Variants in PRKG1 observed in about 807,000 individuals in gnomAD.
The protein encoded by PRKG1 is cGMP-dependent protein kinase 1.
In PRKG1, 35 loss-of-function variants were observed where a neutral mutation model predicts 88.1. That is an observed-to-expected ratio of 0.40 (90% confidence interval 0.30 to 0.53). The LOEUF is 0.53. PRKG1 is among the 20% of genes least tolerant of loss of function. The pLI, the probability that PRKG1 is intolerant of heterozygous loss-of-function variation, is 0.59. For synonymous variants in PRKG1, 303 were observed against 292.5 expected (o/e 1.04, Z -0.37); for missense variants, 540 against 839.8 (o/e 0.64, Z 4.41).
In PRKG1 at chr10:51,743,135, T is replaced by C. The variant is rs73345327; in HGVS notation, c.593-61450T>C. On this transcript the variant is annotated intron_variant, in intron 3 of 17. Coordinates refer to ENST00000373980, the MANE Select transcript of PRKG1 (RefSeq NM_006258.4). ...AAACCACGGCACACACAGACATTTG[T>C]AATAAGTTCTAACTACGAAGCAAAT... 5.2e-3 allele frequency among the ~76,000 whole-genome samples: 788 copies of C among 152,238 alleles called. 7 individuals carry two copies. Among genetic ancestry groups the C allele is most frequent in the African/African-American group, 0.018 (763 of 41,540 alleles).
At chr10:51,087,921 C>T (rs546794407) in intron 1 of PRKG1, among the ~76,000 whole-genome samples, 3 of 152,198 alleles carry the variant, frequency 2.0e-5, no homozygotes, top group African/African-American at 7.2e-5. Flanking sequence ...CATGGCACTA[C>T]ATCTGGCTAA....
chr10:51,015,835 C>T (rs2879549), intron 1 of PRKG1, among the ~76,000 whole-genome samples: 48,177 of 151,832 alleles, frequency 0.32, 7,789 homozygotes, highest in East Asian at 0.48. Flanking sequence ...TGCAGTGAGC[C>T]GAGATGGCGC....
At chr10:52,289,895 T>A (rs1433114379) in intron 16 of PRKG1, among the ~76,000 whole-genome samples, 1 of 152,108 alleles carries the variant, frequency 6.6e-6, no homozygotes, top group Non-Finnish European at 1.5e-5. Context: ...AAATAAAATA[T>A]CCTGTAAGGC....
chr10:50,991,891 G>C lies in PRKG1; in HGVS notation c.266+247G>C, dbSNP rs975733661. Among the ~76,000 whole-genome samples, 1 of 152,178 alleles carries C rather than the reference G, an allele frequency of 6.6e-6. No individual in the cohort carries two copies. Among genetic ancestry groups the C allele is most frequent in the Non-Finnish European group, 1.5e-5 (1 of 68,004 alleles). ...GCACGGGGAGACGCGCCCCTGTGGC[G>C]TGGGGGTGGGGAGGAGGACCGCGGA... On this transcript the variant is annotated intron_variant, in intron 1 of 17. Transcript: ENST00000401604. The surrounding 1 kb of genome is among the most constrained non-coding windows in gnomAD (Gnocchi z 4.5).
intron 2 of PRKG1, among the ~76,000 whole-genome samples, chr10:51,331,626 T>A (rs908967084): frequency 2.6e-5 from 4 of 152,140 alleles, no homozygotes; most frequent in South Asian, 2.1e-4. Flanking sequence ...CATCAATGTG[T>A]CTTTTCTTAT....
chr10:51,760,478 T>TG (rs61234899), intron 3 of PRKG1, among the ~76,000 whole-genome samples: 57,109 of 150,118 alleles, frequency 0.38, 11,529 homozygotes, highest in Middle Eastern at 0.53. Flanking sequence ...TTTCGTTTTT[T>TG]TTTTTTTTTT....
chr10:51,863,373 G>T (rs1254176003), intron 4 of PRKG1, among the ~76,000 whole-genome samples: 1 of 152,144 alleles, frequency 6.6e-6, no homozygotes, highest in East Asian at 1.9e-4. Context: ...CTTGTTGATG[G>T]TCTTTGTTTC....
intron 5 of PRKG1, among the ~76,000 whole-genome samples, chr10:51,914,667 G>A (rs754571400): frequency 1.1e-4 from 16 of 152,110 alleles, no homozygotes; most frequent in Non-Finnish European, 2.2e-4. Flanking sequence ...TGGAATAAAA[G>A]ACTTCTGTCT....
At chr10:51,434,555 T>A (rs1838866023) in intron 2 of PRKG1, among the ~76,000 whole-genome samples, 2 of 152,126 alleles carry the variant, frequency 1.3e-5, no homozygotes, top group South Asian at 4.1e-4. Flanking sequence ...ATCCTGTGGC[T>A]CTTCTTTATG....
rs186699420 is a variant in PRKG1 at position 51,329,806 on chromosome 10, C to T, written c.479-137917C>T. Among the ~76,000 whole-genome samples the T allele has an allele frequency of 2.0e-3, 300 of 151,960 alleles. 1 individual carries two copies. The highest frequency in any genetic ancestry group is 7.0e-3 in the African/African-American group (290 of 41,466). On this transcript the variant is annotated intron_variant, in intron 2 of 17. Transcript: ENST00000373980. ...CTCCTGGCCTGTAAGATTTTTGCTG[C>T]GAAGTCTTCTGCTAGCTGTATTATA... is the stretch of plus-strand genomic sequence containing the variant.
intron 3 of PRKG1, among the ~76,000 whole-genome samples, chr10:51,793,511 A>G (rs903126115): frequency 1.3e-5 from 2 of 152,168 alleles, no homozygotes; most frequent in East Asian, 3.9e-4. Context: ...TTCAAACCTA[A>G]AGAAAAATAT....
At chr10:52,247,827 C>A (rs187461569) in intron 9 of PRKG1, among the ~76,000 whole-genome samples, 3 of 152,086 alleles carry the variant, frequency 2.0e-5, no homozygotes, top group Admixed American at 6.6e-5. Flanking sequence ...CCTAACCCAG[C>A]GGTGCTAGAG....
At chr10:51,581,069 T>C (rs1347381700) in intron 3 of PRKG1, among the ~76,000 whole-genome samples, 1 of 152,088 alleles carries the variant, frequency 6.6e-6, no homozygotes, top group Non-Finnish European at 1.5e-5. Context: ...CCAGCATTTA[T>C]TAAGTTTAGT....
intron 3 of PRKG1, among the ~76,000 whole-genome samples, chr10:51,772,253 T>G (rs1482854007): frequency 1.3e-5 from 2 of 152,182 alleles, no homozygotes; most frequent in Non-Finnish European, 2.9e-5. Flanking sequence ...CATTTTGATG[T>G]AGTAACTCCA....
At chr10:51,318,985 C>G (rs886183788) in intron 2 of PRKG1, among the ~76,000 whole-genome samples, 1 of 152,164 alleles carries the variant, frequency 6.6e-6, no homozygotes, top group Non-Finnish European at 1.5e-5. Flanking sequence ...TAACTGCTGG[C>G]TAACTATAGC....
At chr10:51,746,739 A>G (rs1360794125) in intron 3 of PRKG1, among the ~76,000 whole-genome samples, 1 of 151,936 alleles carries the variant, frequency 6.6e-6, no homozygotes, top group Non-Finnish European at 1.5e-5. Context: ...AATAAAAAGA[A>G]AAAGAAAAAA....
chr10:51,268,028 A>T lies in PRKG1; in HGVS notation c.478+114698A>T, dbSNP rs192072972. On this transcript the variant is annotated intron_variant, in intron 2 of 17. Transcript: ENST00000373980. ...AGTCTGAGAAATAAAGGGACAGAGT[A>T]CAAAAGAGAGAAATTTTTAAGCTGG... 4.1e-4 allele frequency among the ~76,000 whole-genome samples: 63 copies of T among 152,354 alleles called. No individual in the cohort carries two copies. In the East Asian group the frequency reaches 7.7e-3, roughly 19 times the overall value.
chr10:51,751,448 G>A (rs879327212), intron 3 of PRKG1, among the ~76,000 whole-genome samples: 4 of 152,210 alleles, frequency 2.6e-5, no homozygotes, highest in Admixed American at 6.5e-5. Context: ...GGCAGGTCTT[G>A]AACTCCTGGC....
intron 3 of PRKG1, among the ~76,000 whole-genome samples, chr10:51,618,337 A>G (rs1839116908): frequency 6.6e-6 from 1 of 152,170 alleles, no homozygotes; most frequent in South Asian, 2.1e-4. Context: ...AAGTAACCCT[A>G]CCCAATCAAG....
Sources: gnomAD v4.1 joint callset for allele counts (sites outside exome capture counted in the v4.1 genomes callset) on GRCh38, gnomAD v4.1.1 for gene constraint, Gnocchi (gnomAD v3.1) non-coding constraint, MANE v1.5 for transcripts, NCBI Gene and HGNC (gene_info 2026-07-23, HGNC 2026-07-21) for gene names.